Variants in NRXN1 observed in about 807,000 individuals in gnomAD.
The protein encoded by NRXN1 is neurexin-1.
Under a neutral mutation model 150.9 loss-of-function variants are expected in NRXN1, and 39 were observed. The ratio of observed to expected loss-of-function variants is 0.26; its 90% CI spans 0.20 to 0.34. The LOEUF is 0.34. Among genes scored for constraint, NRXN1 ranks in the 10% least tolerant of loss-of-function variants. The pLI, the probability that NRXN1 is intolerant of heterozygous loss-of-function variation, is 1.00. For missense variants in NRXN1, 1,815 were observed against 1,949.9 expected, an observed-to-expected ratio of 0.93 and a Z score of 1.30; for synonymous variants, 924 against 757.0, an observed-to-expected ratio of 1.22 and a Z score of -3.62.
rs113122782 is a variant in NRXN1 at position 50,390,049 on chromosome 2, G to A, written c.3364+75393C>T. Among the ~76,000 whole-genome samples, 68 of 152,140 alleles carry A rather than the reference G, an allele frequency of 4.5e-4. 1 individual carries two copies. In the South Asian group the frequency reaches 7.0e-3, roughly 16 times the overall value. On this transcript the variant is annotated intron_variant, in intron 17 of 22. Coordinates refer to ENST00000401669, the MANE Select transcript of NRXN1 (RefSeq NM_001330078.2). ...ATACTTGATTTTATATACTTTCTTC[G>A]TCTTAAATAGTAGTATTAGACTGTA...
chr2:50,016,033 C>G (rs964091826), intron 21 of NRXN1, among the ~76,000 whole-genome samples: 1 of 152,110 alleles, frequency 6.6e-6, no homozygotes, highest in Non-Finnish European at 1.5e-5. Context: ...GTTTAGTTCT[C>G]TTTGCCTCTC....
At chr2:50,919,404 T>C (rs1453386240) in intron 5 of NRXN1, 1 of 151,782 alleles carries the variant, frequency 6.6e-6, no homozygotes, top group Non-Finnish European at 1.5e-5. Context: ...TATTCATCTA[T>C]CACTGGACAT....
At chr2:50,088,861 A>G (rs939620052) in intron 19 of NRXN1, among the ~76,000 whole-genome samples, 1 of 152,200 alleles carries the variant, frequency 6.6e-6, no homozygotes, top group African/African-American at 2.4e-5. Context: ...TTTTTGAACT[A>G]TATTCAGTAC....
chr2:50,120,729 T>A (rs1703736675), intron 18 of NRXN1, among the ~76,000 whole-genome samples: 1 of 152,188 alleles, frequency 6.6e-6, no homozygotes, highest in East Asian at 1.9e-4. Context: ...TTTACTATAA[T>A]ACATACCGGT....
At chr2:50,375,488 G>A (rs369937240) in intron 17 of NRXN1, among the ~76,000 whole-genome samples, 1 of 146,256 alleles carries the variant, frequency 6.8e-6, no homozygotes, top group African/African-American at 2.6e-5. Context: ...AAGCTAGTCT[G>A]TTTAATTCTG....
intron 5 of NRXN1, among the ~76,000 whole-genome samples, chr2:50,770,240 A>G (rs1435114926): frequency 6.6e-6 from 1 of 152,104 alleles, no homozygotes; most frequent in Non-Finnish European, 1.5e-5. Context: ...AGTCTATTTT[A>G]CACTTTAGTG....
intron 17 of NRXN1, among the ~76,000 whole-genome samples, chr2:50,336,499 A>G (rs1463363669): frequency 1.3e-5 from 2 of 152,214 alleles, no homozygotes; most frequent in Non-Finnish European, 2.9e-5. Flanking sequence ...TCTTTTCTCT[A>G]TATCCTGCCT....
intron 21 of NRXN1, among the ~76,000 whole-genome samples, chr2:49,948,166 G>T (rs1221917910): frequency 6.6e-6 from 1 of 151,972 alleles, no homozygotes; most frequent in African/African-American, 2.4e-5. Context: ...AAATTCATGG[G>T]CTACAACTGT....
intron 5 of NRXN1, among the ~76,000 whole-genome samples, chr2:50,673,065 G>A (rs1013875577): frequency 2.0e-5 from 3 of 151,952 alleles, no homozygotes; most frequent in African/African-American, 7.2e-5. Flanking sequence ...AATAACAGTG[G>A]GCAATGTGAT....
chr2:50,976,380 T>A (rs925895686), intron 2 of NRXN1, among the ~76,000 whole-genome samples: 9 of 151,558 alleles, frequency 5.9e-5, no homozygotes, highest in Non-Finnish European at 1.3e-4. Flanking sequence ...AATGCTGTGT[T>A]ATCTTAACAG....
intron 21 of NRXN1, among the ~76,000 whole-genome samples, chr2:50,008,767 T>C (rs1323156771): frequency 6.6e-6 from 1 of 152,066 alleles, no homozygotes; most frequent in East Asian, 1.9e-4. Flanking sequence ...TGCTTCAGGA[T>C]TGGAGTTTTC....
chr2:50,359,212 CA>C (rs144593507), intron 17 of NRXN1, among the ~76,000 whole-genome samples: 2,202 of 151,942 alleles, frequency 0.014, 52 homozygotes, highest in African/African-American at 0.048. Flanking sequence ...TTCAAAGGAC[CA>C]CAGCCCCCTG....
intron 8 of NRXN1, among the ~76,000 whole-genome samples, chr2:50,568,358 C>G (rs1160149069): frequency 1.3e-5 from 2 of 152,078 alleles, no homozygotes; most frequent in Admixed American, 1.3e-4. Flanking sequence ...GAAGAGACAA[C>G]CCACAGAATG....
chr2:50,607,300 G>C (rs1677289169), intron 8 of NRXN1, among the ~76,000 whole-genome samples: 1 of 152,040 alleles, frequency 6.6e-6, no homozygotes, highest in African/African-American at 2.4e-5. Flanking sequence ...TCAGTTAAAG[G>C]CATCCCTTTG....
At position 50,731,345 on chromosome 2, in the gene NRXN1, G is replaced by A. The variant is rs534311495; in HGVS notation, c.833-107730C>T. Among the ~76,000 whole-genome samples the A allele has an allele frequency of 3.9e-5, 6 of 152,266 alleles. No individual in the cohort carries two copies. The South Asian group carries it at 1.2e-3, about 32-fold the overall frequency. ...CAGAAAGTTTGCAAGTCAAAAATAA[G>A]TTTATTCTGATTATTCTTTTGTAAG... On this transcript the variant is annotated intron_variant, in intron 5 of 22. Coordinates refer to ENST00000401669, the MANE Select transcript of NRXN1 (RefSeq NM_001330078.2).
At chr2:50,666,676 C>T (rs1296947319) in intron 5 of NRXN1, among the ~76,000 whole-genome samples, 1 of 151,862 alleles carries the variant, frequency 6.6e-6, no homozygotes, top group Non-Finnish European at 1.5e-5. Flanking sequence ...CTGCTTCTTA[C>T]TCTGAAGTTC....
intron 17 of NRXN1, among the ~76,000 whole-genome samples, chr2:50,242,670 C>G (rs1442275893): frequency 2.0e-5 from 3 of 151,532 alleles, no homozygotes; most frequent in African/African-American, 4.8e-5. Context: ...TAAGGCACAG[C>G]CCTCAATGTT....
intron 17 of NRXN1, among the ~76,000 whole-genome samples, chr2:50,410,376 C>T (rs76573598): frequency 0.035 from 5,371 of 152,228 alleles, 329 homozygotes; most frequent in African/African-American, 0.12. Flanking sequence ...CTTAACATAT[C>T]CTACCACCTA....
chr2:50,485,101 T>G (rs2090768847), intron 15 of NRXN1, among the ~76,000 whole-genome samples: 1 of 152,208 alleles, frequency 6.6e-6, no homozygotes, highest in Admixed American at 6.5e-5. Context: ...TTATCTCATC[T>G]GTAAAATGGG....
Sources: allele counts gnomAD v4.1 joint callset (sites outside exome capture counted in the v4.1 genomes callset), GRCh38; gene constraint gnomAD v4.1.1; transcripts MANE v1.5; gene names NCBI Gene and HGNC (gene_info 2026-07-23, HGNC 2026-07-21).